Variants in GABRA3 observed in about 807,000 individuals in gnomAD.
GABRA3 encodes the protein gamma-aminobutyric acid receptor subunit alpha-3.
GABRA3 carries 10 observed loss-of-function variants against 30.1 expected under a neutral mutation model. The ratio of observed to expected loss-of-function variants is 0.33; its 90% CI spans 0.20 to 0.56. The LOEUF is 0.56. Among genes scored for constraint, GABRA3 ranks in the 20% least tolerant of loss-of-function variants. The probability of loss-of-function intolerance (pLI) is 0.89; values close to 1 mark genes in which losing one functional copy is unlikely to be tolerated. For missense variants in GABRA3, 233 were observed against 392.0 expected, an observed-to-expected ratio of 0.59 and a Z score of 3.42; for synonymous variants, 151 against 146.8, an observed-to-expected ratio of 1.03 and a Z score of -0.21.
chrX:152,233,170 G>A (rs1242873402), intron 5 of GABRA3, among the ~76,000 whole-genome samples: 2 of 102,035 alleles, frequency 2.0e-5, no homozygotes, highest in East Asian at 3.6e-4. Flanking sequence ...TTTTTTTCTT[G>A]TACATTTGTT....
At chrX:152,217,850 T>C (rs1395251640) in intron 6 of GABRA3, among the ~76,000 whole-genome samples, 1 of 110,979 alleles carries the variant, frequency 9.0e-6, no homozygotes, top group African/African-American at 3.2e-5. Context: ...AATGTGATTC[T>C]ATTCTTTTAT....
intron 1 of GABRA3, among the ~76,000 whole-genome samples, chrX:152,424,788 T>C: frequency 9.0e-6 from 1 of 110,631 alleles, no homozygotes; most frequent in Non-Finnish European, 1.9e-5. Context: ...TTTTTACTTT[T>C]TGTTTGGCAA....
At position 152,224,751 on chromosome X, in the gene GABRA3, G is replaced by T; in HGVS notation, c.634+12C>A. 1 of 1,138,551 alleles carries T rather than the reference G, an allele frequency of 8.8e-7. No homozygotes were observed. The highest frequency in any genetic ancestry group is 1.2e-6 in the Non-Finnish European group (1 of 838,960). The allele number at this position is 1,138,551 out of a possible 1,213,427, so 93.8% of individuals were successfully genotyped here. ...AAAAAAAAAGACAGAGAGAGAGAGA[G>T]AAAATACATACAGCTTCCAAACTTC... On this transcript the variant is annotated intron_variant, in intron 6 of 9. Coordinates refer to ENST00000370314, the MANE Select transcript of GABRA3 (RefSeq NM_000808.4).
intron 2 of GABRA3, among the ~76,000 whole-genome samples, chrX:152,348,628 G>A (rs759078341): frequency 2.5e-4 from 28 of 110,986 alleles, no homozygotes; most frequent in Admixed American, 5.7e-4. Flanking sequence ...CATACCTCTG[G>A]GATATTGTGA....
At chrX:152,327,004 G>C (rs1220973898) in intron 3 of GABRA3, among the ~76,000 whole-genome samples, 1 of 106,439 alleles carries the variant, frequency 9.4e-6, no homozygotes, top group East Asian at 2.9e-4. Flanking sequence ...AAGGGATGGA[G>C]AAAGACCTAC....
chrX:152,421,733 T>G (rs1197703420), intron 1 of GABRA3, among the ~76,000 whole-genome samples: 3 of 111,824 alleles, frequency 2.7e-5, no homozygotes, highest in Non-Finnish European at 5.7e-5. Flanking sequence ...GAACAAATTA[T>G]TTGAATAAAC....
intron 1 of GABRA3, among the ~76,000 whole-genome samples, chrX:152,439,787 A>G (rs1178842333): frequency 8.9e-6 from 1 of 112,113 alleles, no homozygotes; most frequent in East Asian, 2.8e-4. Flanking sequence ...ACATGGATGA[A>G]TCCTAAAAGT....
chrX:152,204,490 C>T (rs1937516935), intron 7 of GABRA3, among the ~76,000 whole-genome samples: 1 of 111,127 alleles, frequency 9.0e-6, no homozygotes, highest in East Asian at 2.8e-4. Context: ...TGCTCTACCA[C>T]TTACCAACTG....
At chrX:152,413,582 C>T (rs1482330935) in intron 1 of GABRA3, among the ~76,000 whole-genome samples, 3 of 111,295 alleles carry the variant, frequency 2.7e-5, no homozygotes, top group African/African-American at 9.8e-5. Flanking sequence ...AATATCATTT[C>T]ACAAAATCCA....
chrX:152,252,466 GT>G (rs899314257), intron 5 of GABRA3, among the ~76,000 whole-genome samples: 5 of 109,762 alleles, frequency 4.6e-5, no homozygotes, highest in African/African-American at 9.9e-5. Context: ...TCGTGTCTCA[GT>G]TTTTTTTTAT....
intron 4 of GABRA3, among the ~76,000 whole-genome samples, chrX:152,258,633 AAAG>A (rs1396167971): frequency 2.7e-5 from 3 of 112,012 alleles, no homozygotes; most frequent in African/African-American, 9.7e-5. Flanking sequence ...TAATGAATTT[AAAG>A]AATACCAAAG....
chrX:152,215,345 C>A (rs1358314938), intron 6 of GABRA3, among the ~76,000 whole-genome samples: 2 of 110,335 alleles, frequency 1.8e-5, no homozygotes, highest in East Asian at 5.7e-4. Flanking sequence ...TTTTCTATAC[C>A]TAATTAGTTA....
chrX:152,238,826 G>A (rs1349887677), intron 5 of GABRA3, among the ~76,000 whole-genome samples: 3 of 108,038 alleles, frequency 2.8e-5, no homozygotes, highest in African/African-American at 1.0e-4. Flanking sequence ...ATTTCTGTGG[G>A]ATCAGTGGTG....
chrX:152,309,510 GAA>G (rs144483235), intron 3 of GABRA3, among the ~76,000 whole-genome samples: 3 of 99,780 alleles, frequency 3.0e-5, no homozygotes, highest in African/African-American at 1.1e-4. Context: ...TCATAAAAGA[GAA>G]AAAAAAAAAG....
intron 4 of GABRA3, among the ~76,000 whole-genome samples, chrX:152,275,334 AATAT>A (rs1161337461): frequency 1.2e-4 from 1 of 8,316 alleles, no homozygotes; most frequent in Non-Finnish European, 2.4e-4. Flanking sequence ...ATATATATTT[AATAT>A]TATATATAAT....
intron 5 of GABRA3, among the ~76,000 whole-genome samples, chrX:152,225,450 AC>A: frequency 9.3e-6 from 1 of 108,102 alleles, no homozygotes; most frequent in Non-Finnish European, 1.9e-5. Context: ...ACACACACAC[AC>A]ACACACGAAA....
intron 6 of GABRA3, among the ~76,000 whole-genome samples, chrX:152,210,162 T>C (rs1416941539): frequency 1.8e-5 from 2 of 112,218 alleles, no homozygotes; most frequent in Non-Finnish European, 3.8e-5. Flanking sequence ...ATTTTTTCTA[T>C]ATATAAATCA....
intron 3 of GABRA3, among the ~76,000 whole-genome samples, chrX:152,298,325 T>G (rs910523836): frequency 1.8e-5 from 2 of 110,408 alleles, no homozygotes. Flanking sequence ...GCGGCACCCA[T>G]TAACTCGTCA....
intron 3 of GABRA3, among the ~76,000 whole-genome samples, chrX:152,330,615 C>T (rs1010591853): frequency 1.1e-4 from 12 of 107,827 alleles, no homozygotes; most frequent in Non-Finnish European, 1.9e-4. Context: ...AACCAAACAC[C>T]GCATGTTCTC....
Sources: gnomAD v4.1 joint callset for allele counts (sites outside exome capture counted in the v4.1 genomes callset) on GRCh38, gnomAD v4.1.1 for gene constraint, MANE v1.5 for transcripts, NCBI Gene and HGNC (gene_info 2026-07-23, HGNC 2026-07-21) for gene names.